The following MYO3B variants were observed in gnomAD, a reference collection of about 807,000 sequenced individuals.
MYO3B encodes the protein myosin-IIIb.
MYO3B carries 156 observed loss-of-function variants against 174.6 expected under a neutral mutation model. That is an observed-to-expected ratio of 0.89 (90% CI 0.78 to 1.02). The LOEUF (loss-of-function observed/expected upper bound fraction) is 1.02. MYO3B is among the 50% of genes least tolerant of loss of function. MYO3B has a pLI of 0.00. For missense variants in MYO3B, 1,632 were observed against 1,639.4 expected, an observed-to-expected ratio of 1.00 and a Z score of 0.08; for synonymous variants, 563 against 569.1, an observed-to-expected ratio of 0.99 and a Z score of 0.15.
At chr2:170,297,984 TC>T (rs2093639398) in intron 7 of MYO3B, among the ~76,000 whole-genome samples, 1 of 152,170 alleles carries the variant, frequency 6.6e-6, no homozygotes, top group South Asian at 2.1e-4. Context: ...ATGATGATAA[TC>T]ATATTCTAGA....
intron 16 of MYO3B, among the ~76,000 whole-genome samples, chr2:170,399,242 C>CAAAAAAAAAAAAAAAAA (rs71399532): frequency 6.4e-5 from 1 of 15,608 alleles, no homozygotes. Flanking sequence ...AATTCCGTCT[C>CAAAAAAAAAAAAAAAAA]AAAAAAAAAA....
chr2:170,386,342 A>G, intron 13 of MYO3B, 70 bp downstream of exon 13: 1 of 1,326,820 alleles, frequency 7.5e-7, no homozygotes, highest in South Asian at 1.3e-5. Context: ...TTGATAAATG[A>G]TGGAAGTGCT....
At chr2:170,627,733 G>C (rs1696576098) in intron 32 of MYO3B, among the ~76,000 whole-genome samples, 1 of 152,148 alleles carries the variant, frequency 6.6e-6, no homozygotes, top group Non-Finnish European at 1.5e-5. Flanking sequence ...GTTTTGGTGT[G>C]GATGTCCTTT....
At chr2:170,328,026 C>G (rs1207455398) in intron 7 of MYO3B, among the ~76,000 whole-genome samples, 1 of 151,924 alleles carries the variant, frequency 6.6e-6, no homozygotes, top group African/African-American at 2.4e-5. Flanking sequence ...CTCAGCCTCC[C>G]AAGTAGCTGA....
intron 16 of MYO3B, among the ~76,000 whole-genome samples, chr2:170,393,003 C>A (rs962524074): frequency 1.3e-5 from 2 of 151,800 alleles, no homozygotes. Context: ...TAATTAAAAC[C>A]CTTTCAACTT....
chr2:170,348,776 G>A (rs1298379496), intron 8 of MYO3B: 2 of 152,156 alleles, frequency 1.3e-5, no homozygotes, highest in Non-Finnish European at 2.9e-5. Flanking sequence ...AGCGCCCACA[G>A]GCTCTAGATG....
chr2:170,405,642 A>T lies in MYO3B; in HGVS notation c.2520+9A>T, dbSNP rs112078264. 990 of 1,613,734 alleles carry T rather than the reference A, an allele frequency of 6.1e-4. 8 individuals carry two copies. The African/African-American group carries it at 0.012, about 20-fold the overall frequency. On this transcript the variant is annotated intron_variant, in intron 21 of 34. Coordinates refer to ENST00000408978, the MANE Select transcript of MYO3B (RefSeq NM_138995.5). ...AGCATTATGCTGGAAAGGTGAGGCC[A>T]GTGTGACAGTTATTAGACCTGAATT...
intron 23 of MYO3B, among the ~76,000 whole-genome samples, chr2:170,456,826 A>G (rs925050139): frequency 5.3e-5 from 8 of 152,250 alleles, no homozygotes; most frequent in Admixed American, 4.6e-4. Flanking sequence ...GTCATCAGTC[A>G]CTTAATAAAG....
intron 8 of MYO3B, chr2:170,350,290 A>G (rs1309063455): frequency 6.6e-6 from 1 of 152,140 alleles, no homozygotes; most frequent in African/African-American, 2.4e-5. Flanking sequence ...AAGAAGAAAC[A>G]TGATAGGATT....
chr2:170,562,490 AAT>A (rs1034564279), intron 32 of MYO3B, among the ~76,000 whole-genome samples: 5 of 152,214 alleles, frequency 3.3e-5, no homozygotes, highest in Admixed American at 6.5e-5. Context: ...AAAACCCAAA[AAT>A]AACAATAACA....
intron 7 of MYO3B, among the ~76,000 whole-genome samples, chr2:170,327,949 T>G (rs2093881331): frequency 6.6e-6 from 1 of 151,490 alleles, no homozygotes; most frequent in African/African-American, 2.4e-5. Context: ...TCACCCAGGC[T>G]GGAGTACAGT....
chr2:170,193,960 T>G (rs1195561050), intron 1 of MYO3B, among the ~76,000 whole-genome samples: 1 of 152,158 alleles, frequency 6.6e-6, no homozygotes, highest in Non-Finnish European at 1.5e-5. Context: ...TGTATAACAT[T>G]TCCCTTTTGT....
At chr2:170,530,351 T>A (rs1210600410) in intron 30 of MYO3B, among the ~76,000 whole-genome samples, 2 of 152,210 alleles carry the variant, frequency 1.3e-5, no homozygotes, top group African/African-American at 4.8e-5. Context: ...CCTTCCTCGC[T>A]CTGATCCAGA....
intron 7 of MYO3B, among the ~76,000 whole-genome samples, chr2:170,238,356 GTCTC>G (rs1039753447): frequency 6.6e-6 from 1 of 152,130 alleles, no homozygotes; most frequent in African/African-American, 2.4e-5. Flanking sequence ...CTGTCTGTCT[GTCTC>G]TCTTTCTCTC....
chr2:170,592,669 A>T (rs368972722), intron 32 of MYO3B, among the ~76,000 whole-genome samples: 2 of 152,164 alleles, frequency 1.3e-5, no homozygotes, highest in African/African-American at 4.8e-5. Flanking sequence ...CATAAGGTTC[A>T]TGAGGGCAGG....
intron 7 of MYO3B, among the ~76,000 whole-genome samples, chr2:170,275,554 T>TA (rs2093458695): frequency 6.6e-6 from 1 of 152,202 alleles, no homozygotes; most frequent in African/African-American, 2.4e-5. Context: ...TTGAACTTTT[T>TA]ATTCGTAGTT....
intron 28 of MYO3B, among the ~76,000 whole-genome samples, chr2:170,508,585 C>G (rs912686352): frequency 2.6e-5 from 4 of 152,204 alleles, no homozygotes; most frequent in Non-Finnish European, 5.9e-5. Flanking sequence ...CTTATGTGTT[C>G]TGCAAGTTTA....
chr2:170,587,819 A>C (rs1693579348), intron 32 of MYO3B, among the ~76,000 whole-genome samples: 1 of 152,234 alleles, frequency 6.6e-6, no homozygotes, highest in Non-Finnish European at 1.5e-5. Flanking sequence ...TATTCACTAC[A>C]TAATGCAAAA....
intron 32 of MYO3B, among the ~76,000 whole-genome samples, chr2:170,627,970 G>T (rs1301349540): frequency 6.6e-6 from 1 of 152,212 alleles, no homozygotes; most frequent in Non-Finnish European, 1.5e-5. Flanking sequence ...ACTGGGGGGT[G>T]CCTCCCAGTT....
Sources: gnomAD v4.1 joint callset for allele counts (sites outside exome capture counted in the v4.1 genomes callset) on GRCh38, gnomAD v4.1.1 for gene constraint, MANE v1.5 for transcripts, NCBI Gene and HGNC (gene_info 2026-07-23, HGNC 2026-07-21) for gene names.